Variants in ZBTB44 observed in about 807,000 individuals in gnomAD.
ZBTB44 encodes zinc finger and BTB domain containing 44, also known as zinc finger and BTB domain-containing protein 44.
ZBTB44 carries 15 observed loss-of-function variants against 54.0 expected under a neutral mutation model. That is an observed-to-expected ratio of 0.28 (90% CI 0.19 to 0.43). The LOEUF is 0.43. Ranked by LOEUF, ZBTB44 falls within the 20% of genes least tolerant of loss-of-function variation. The pLI is 1.00. For synonymous variants in ZBTB44, 230 were observed against 250.1 expected (o/e 0.92, Z 0.76); for missense variants, 487 against 707.1 (o/e 0.69, Z 3.53).
chr11:130,267,204 C>T (rs1939312992), intron 1 of ZBTB44, among the ~76,000 whole-genome samples: 1 of 151,982 alleles, frequency 6.6e-6, no homozygotes, highest in Non-Finnish European at 1.5e-5. Context: ...GCAGAGGTTA[C>T]AGTGAGCCGA....
At chr11:130,307,001 C>T (rs1156947635) in intron 1 of ZBTB44, among the ~76,000 whole-genome samples, 1 of 142,402 alleles carries the variant, frequency 7.0e-6, no homozygotes, top group Non-Finnish European at 1.5e-5. Context: ...AGAACTTATC[C>T]ATATAGCCAA....
At chr11:130,295,054 C>T (rs1280005881) in intron 1 of ZBTB44, among the ~76,000 whole-genome samples, 1 of 151,876 alleles carries the variant, frequency 6.6e-6, no homozygotes. Flanking sequence ...ACGTCGTGAT[C>T]TAGGCACTTC....
intron 2 of ZBTB44, among the ~76,000 whole-genome samples, chr11:130,250,658 A>G (rs1265308024): frequency 1.3e-5 from 2 of 152,216 alleles, no homozygotes; most frequent in East Asian, 3.9e-4. Flanking sequence ...TGGACCTCCA[A>G]CAAACTGCAG....
intron 1 of ZBTB44, among the ~76,000 whole-genome samples, chr11:130,299,284 TA>T (rs1239068519): frequency 4.5e-4 from 69 of 152,106 alleles, no homozygotes; most frequent in Non-Finnish European, 4.6e-4. Flanking sequence ...AAATAAGTAA[TA>T]AAATATCAAG....
At chr11:130,240,330 G>A (rs1046459980) in intron 2 of ZBTB44, among the ~76,000 whole-genome samples, 2 of 151,812 alleles carry the variant, frequency 1.3e-5, no homozygotes, top group Admixed American at 6.6e-5. Context: ...GTGAGCCACC[G>A]CACCCAGCCG....
intron 1 of ZBTB44, among the ~76,000 whole-genome samples, chr11:130,268,713 C>A (rs191139002): frequency 9.4e-4 from 143 of 151,880 alleles, no homozygotes; most frequent in Non-Finnish European, 1.6e-3. Flanking sequence ...TGAGTAGTTG[C>A]GAATACAGTC....
At chr11:130,232,154 A>AAT (rs1384672350) in intron 7 of ZBTB44, 1 of 152,172 alleles carries the variant, frequency 6.6e-6, no homozygotes, top group African/African-American at 2.4e-5. Flanking sequence ...TTGGGGAAAA[A>AAT]ATTACAGAAT....
In ZBTB44 at chr11:130,264,409, G is replaced by A. The variant is rs144193279; in HGVS notation, c.-56-2480C>T. Among the ~76,000 whole-genome samples the A allele has an allele frequency of 1.3e-3, 199 of 152,254 alleles. 1 individual carries two copies. Among genetic ancestry groups the A allele is most frequent in the African/African-American group, 4.6e-3 (190 of 41,554 alleles). On this transcript the variant is annotated intron_variant, in intron 1 of 7. Transcript: ENST00000357899. ...CTCTTCAACTGCAGGCCTGTAGTAGGCCTGAGGTGGGAAAGGAGGGAAAGC... is the reference window on the plus strand; with the variant it reads ...CTCTTCAACTGCAGGCCTGTAGTAGACCTGAGGTGGGAAAGGAGGGAAAGC...
intron 1 of ZBTB44, among the ~76,000 whole-genome samples, chr11:130,303,672 AC>A (rs962288491): frequency 7.2e-5 from 11 of 152,076 alleles, no homozygotes; most frequent in African/African-American, 2.2e-4. Context: ...ACCCAAAAAA[AC>A]ACCCCCCAAA....
At chr11:130,265,279 T>C (rs571105917) in intron 1 of ZBTB44, among the ~76,000 whole-genome samples, 1 of 152,204 alleles carries the variant, frequency 6.6e-6, no homozygotes, top group Admixed American at 6.5e-5. Context: ...CAGGCTGGAG[T>C]GCAGTGGCAC....
chr11:130,255,880 A>G (rs1675541), intron 2 of ZBTB44, among the ~76,000 whole-genome samples: 109,572 of 141,048 alleles, frequency 0.78, 43,006 homozygotes, highest in Admixed American at 0.82. Flanking sequence ...AACAAATTCT[A>G]AAGTTGAGGC....
intron 1 of ZBTB44, among the ~76,000 whole-genome samples, chr11:130,280,614 A>C (rs1441317322): frequency 6.6e-6 from 1 of 152,248 alleles, no homozygotes; most frequent in Non-Finnish European, 1.5e-5. Flanking sequence ...CATTCTATGC[A>C]GTAACAGAAG....
chr11:130,294,136 C>A (rs531139794), intron 1 of ZBTB44, among the ~76,000 whole-genome samples: 1 of 152,196 alleles, frequency 6.6e-6, no homozygotes, highest in Admixed American at 6.5e-5. Flanking sequence ...AGGCCGGGCA[C>A]GGTAACTCAC....
At chr11:130,232,922 G>A (rs1953933502) in intron 7 of ZBTB44, 1 of 161,456 alleles carries the variant, frequency 6.2e-6, no homozygotes, top group Admixed American at 6.4e-5. Flanking sequence ...AGAATGGCCT[G>A]AGCCCAGGAG....
At chr11:130,236,260 G>T in intron 5 of ZBTB44, 1 of 1,273,042 alleles carries the variant, frequency 7.9e-7, no homozygotes, top group Non-Finnish European at 1.0e-6. Flanking sequence ...AATATTACAA[G>T]AATAGAGCTC....
intron 1 of ZBTB44, among the ~76,000 whole-genome samples, chr11:130,311,214 TA>T (rs1942580579): frequency 6.6e-6 from 1 of 152,078 alleles, no homozygotes; most frequent in Non-Finnish European, 1.5e-5. Context: ...ATAAGTTTAT[TA>T]TTTTTTTTGG....
chr11:130,284,793 G>A (rs1940817991), intron 1 of ZBTB44, among the ~76,000 whole-genome samples: 1 of 152,046 alleles, frequency 6.6e-6, no homozygotes, highest in Non-Finnish European at 1.5e-5. Flanking sequence ...TTGAACCCAG[G>A]AGGTAGAGGT....
At chr11:130,269,756 G>A (rs946608246) in intron 1 of ZBTB44, among the ~76,000 whole-genome samples, 2 of 152,124 alleles carry the variant, frequency 1.3e-5, no homozygotes, top group African/African-American at 4.8e-5. Flanking sequence ...TTAAATCTGA[G>A]TCAAGTTGTT....
intron 1 of ZBTB44, among the ~76,000 whole-genome samples, chr11:130,279,551 C>T (rs1047356251): frequency 1.3e-5 from 2 of 152,034 alleles, no homozygotes; most frequent in African/African-American, 4.8e-5. Flanking sequence ...CCCAGCTAAC[C>T]GGGATGCTGA....
Sources: gnomAD v4.1 joint callset for allele counts (sites outside exome capture counted in the v4.1 genomes callset) on GRCh38, gnomAD v4.1.1 for gene constraint, MANE v1.5 for transcripts, NCBI Gene and HGNC (gene_info 2026-07-23, HGNC 2026-07-21) for gene names.